Variants in FRMPD3 observed in about 807,000 individuals in gnomAD.
FRMPD3 encodes the protein FERM and PDZ domain containing 3.
A neutral mutation model predicts 97.9 loss-of-function variants in FRMPD3; 42 were observed. That is an observed-to-expected ratio of 0.43 (90% CI 0.34 to 0.55). The LOEUF is 0.55. FRMPD3 is among the 20% of genes least tolerant of loss of function. The pLI is 0.03. For missense variants in FRMPD3, 1,303 were observed against 1,457.7 expected, an observed-to-expected ratio of 0.89 and a Z score of 1.73; for synonymous variants, 577 against 581.1, an observed-to-expected ratio of 0.99 and a Z score of 0.10.
intron 8 of FRMPD3, among the ~76,000 whole-genome samples, chrX:107,559,223 C>T (rs1459392465): frequency 1.8e-5 from 2 of 111,497 alleles, no homozygotes; most frequent in Admixed American, 9.5e-5. Flanking sequence ...CAGTCTCCGC[C>T]TCCCAAAGTG....
chrX:107,561,996 T>C (rs1173059150), intron 10 of FRMPD3, among the ~76,000 whole-genome samples: 3 of 111,979 alleles, frequency 2.7e-5, no homozygotes, highest in Non-Finnish European at 3.8e-5. Context: ...TAGGCACAGG[T>C]GCTCTGGAAG....
chrX:107,497,968 G>A (rs113367739), intron 1 of FRMPD3, among the ~76,000 whole-genome samples: 10,688 of 110,959 alleles, frequency 0.096, 569 homozygotes, highest in East Asian at 0.23. Flanking sequence ...CTCATGTCCT[G>A]GGTTTTCTCA....
chrX:107,507,993 A>G (rs1922075764), intron 1 of FRMPD3, among the ~76,000 whole-genome samples: 1 of 112,391 alleles, frequency 8.9e-6, no homozygotes, highest in African/African-American at 3.2e-5. Context: ...GCACAGTTCT[A>G]AGTGCTTAAT....
intron 1 of FRMPD3, among the ~76,000 whole-genome samples, chrX:107,451,102 C>T (rs1050832712): frequency 8.9e-6 from 1 of 112,144 alleles, no homozygotes; most frequent in Non-Finnish European, 1.9e-5. Context: ...CACCTCCACC[C>T]TTGCAGCTGC....
chrX:107,468,049 G>A (rs1344117932), intron 1 of FRMPD3, among the ~76,000 whole-genome samples: 1 of 111,590 alleles, frequency 9.0e-6, no homozygotes, highest in African/African-American at 3.3e-5. Flanking sequence ...TTGGGTTTCT[G>A]CAGATCACCT....
At chrX:107,560,434 T>A (rs1364461246) in intron 9 of FRMPD3, 41 bp downstream of exon 9, 1 of 1,197,757 alleles carries the variant, frequency 8.3e-7, no homozygotes, top group South Asian at 1.8e-5. Flanking sequence ...GGGCGAATAG[T>A]TGCGTAGGGA....
chrX:107,590,133 G>A (rs780442934), intron 13 of FRMPD3, among the ~76,000 whole-genome samples: 11 of 112,437 alleles, frequency 9.8e-5, no homozygotes, highest in South Asian at 7.3e-4. Flanking sequence ...CCAGCCTGGC[G>A]ACAGAGCAAG....
chrX:107,599,101 T>C (rs1924354124), intron 14 of FRMPD3, among the ~76,000 whole-genome samples: 1 of 110,368 alleles, frequency 9.1e-6, no homozygotes, highest in Non-Finnish European at 1.9e-5. Flanking sequence ...GGTGAAAACC[T>C]GTCTCTACTA....
intron 1 of FRMPD3, among the ~76,000 whole-genome samples, chrX:107,505,514 C>A (rs769360703): frequency 8.9e-6 from 1 of 112,151 alleles, no homozygotes; most frequent in Non-Finnish European, 1.9e-5. Context: ...GAGCTGAGAT[C>A]GTGCCACTAC....
intron 13 of FRMPD3, among the ~76,000 whole-genome samples, chrX:107,594,968 C>T (rs1003899245): frequency 8.9e-6 from 1 of 112,080 alleles, no homozygotes; most frequent in Non-Finnish European, 1.9e-5. Flanking sequence ...TTTTATTCAT[C>T]TCAAAGTATT....
chrX:107,506,697 G>A (rs1218145407), intron 1 of FRMPD3, among the ~76,000 whole-genome samples: 1 of 112,318 alleles, frequency 8.9e-6, no homozygotes, highest in East Asian at 2.8e-4. Flanking sequence ...TCCTGGGGGC[G>A]CCGACTGTCC....
intron 1 of FRMPD3, among the ~76,000 whole-genome samples, chrX:107,474,084 C>T (rs1487462815): frequency 8.9e-6 from 1 of 111,926 alleles, no homozygotes; most frequent in Admixed American, 9.4e-5. Flanking sequence ...GACTCTTTCT[C>T]AAAACGAAAC....
intron 1 of FRMPD3, among the ~76,000 whole-genome samples, chrX:107,472,530 A>T (rs1921089871): frequency 9.0e-6 from 1 of 111,589 alleles, no homozygotes; most frequent in South Asian, 3.8e-4. Flanking sequence ...TAAAAAAAAA[A>T]AAAAGAAAAC....
chrX:107,500,805 CAA>C (rs768889360), intron 1 of FRMPD3, among the ~76,000 whole-genome samples: 25 of 34,528 alleles, frequency 7.2e-4, no homozygotes, highest in African/African-American at 1.6e-3. Flanking sequence ...AAGACTCTGT[CAA>C]AAAAAAAAAA....
chrX:107,507,176 G>A (rs1235081644), intron 1 of FRMPD3, among the ~76,000 whole-genome samples: 1 of 110,671 alleles, frequency 9.0e-6, no homozygotes, highest in Non-Finnish European at 1.9e-5. Context: ...TCTTTGGAGT[G>A]AGTTGGCGCG....
At chrX:107,599,244 G>C (rs1201826297) in intron 14 of FRMPD3, among the ~76,000 whole-genome samples, 1 of 109,132 alleles carries the variant, frequency 9.2e-6, no homozygotes. Context: ...CTGCACTCCA[G>C]CCTGGGTGAC....
In FRMPD3 at chrX:107,601,700, T is replaced by C; in HGVS notation, c.3661T>C (p.Ser1221Pro). 8.3e-7 allele frequency: 1 copy of C among 1,211,102 alleles called. No individual in the cohort carries two copies. Among genetic ancestry groups the C allele is most frequent in the East Asian group, 3.0e-5 (1 of 33,851 alleles). The change falls in exon 15 of 15, where the codon TCT becomes CCT. Residue 1221 changes from serine (S) to proline (P), a missense_variant. Ser to Pro is a moderately conservative substitution (Grantham distance 74, BLOSUM62 -1). Around this residue, in one of 3 missense-constraint regions of FRMPD3, gnomAD observed 764 missense variants for 820.2 expected, o/e 0.93. Coordinates refer to ENST00000683843, the MANE Select transcript of FRMPD3 (RefSeq NM_001388459.1). ...RGPFRLRNLF[S>P]ATFPTRQKKE... ...TCCTTTCCGGCTACGCAATTTATTC[T>C]CTGCCACCTTCCCAACCCGCCAGAA...
Position 107,601,957 on chromosome X carries a change from G to A in FRMPD3, c.3918G>A (p.Arg1306=), listed in dbSNP as rs1232963780. The A allele has an allele frequency of 3.4e-6, 4 of 1,173,151 alleles. No individual in the cohort carries two copies. Among genetic ancestry groups the A allele is most frequent in the Non-Finnish European group, 3.4e-6 (3 of 877,697 alleles). The change falls in exon 15 of 15, where the codon CGG becomes CGA. Residue 1306 remains arginine (R), a synonymous_variant. Coordinates refer to ENST00000683843, the MANE Select transcript of FRMPD3 (RefSeq NM_001388459.1). The part of the protein sequence containing the change: ...RRSCDCKRIC[R]GGRPQATQTP... ...GCTGTGACTGCAAGCGCATCTGCCGGGGGGGCCGGCCACAAGCCACCCAGA... is the reference window on the plus strand; with the variant it reads ...GCTGTGACTGCAAGCGCATCTGCCGAGGGGGCCGGCCACAAGCCACCCAGA...
chrX:107,594,983 A>C (rs1242656817), intron 13 of FRMPD3, among the ~76,000 whole-genome samples: 1 of 111,730 alleles, frequency 9.0e-6, no homozygotes, highest in East Asian at 2.8e-4. Context: ...AGTATTTTCT[A>C]ATTTCTCTTG....
Sources: gnomAD v4.1 joint callset for allele counts (sites outside exome capture counted in the v4.1 genomes callset) on GRCh38, gnomAD v4.1.1 for gene constraint, gnomAD v4.1.1 regional missense constraint, MANE v1.5 for transcripts, NCBI Gene and HGNC (gene_info 2026-07-23, HGNC 2026-07-21) for gene names.